The following INPP5B variants were observed in gnomAD, a reference collection of about 807,000 sequenced individuals.
The protein encoded by INPP5B is inositol polyphosphate-5-phosphatase B.
A neutral mutation model predicts 118.5 loss-of-function variants in INPP5B; 90 were observed. The ratio of observed to expected loss-of-function variants is 0.76; its 90% CI spans 0.64 to 0.90. The LOEUF (loss-of-function observed/expected upper bound fraction) is 0.90, where lower values mean the gene tolerates loss of function less well. Ranked by LOEUF, INPP5B falls within the 40% of genes least tolerant of loss-of-function variation. The pLI is 0.00. For synonymous variants in INPP5B, 385 were observed against 418.9 expected (o/e 0.92, Z 0.99); for missense variants, 984 against 1,125.6 (o/e 0.87, Z 1.80).
At chr1:37,889,451 T>C (rs1643714834) in intron 9 of INPP5B, 106 bp downstream of exon 9, 9 of 810,194 alleles carry the variant, frequency 1.1e-5, no homozygotes, top group Non-Finnish European at 1.8e-5. Flanking sequence ...GGAGAGATTC[T>C]ATAGAAGAGT....
intron 15 of INPP5B, chr1:37,878,604 C>T (rs1325727850): frequency 1.2e-5 from 5 of 418,794 alleles, no homozygotes; most frequent in Non-Finnish European, 1.6e-5. Context: ...AAAAACCAAT[C>T]TGACAGTAAG....
At chr1:37,893,320 A>G (rs1471201267) in intron 7 of INPP5B, among the ~76,000 whole-genome samples, 1 of 151,866 alleles carries the variant, frequency 6.6e-6, no homozygotes, top group Non-Finnish European at 1.5e-5. Context: ...CTTGAGCTCA[A>G]ATGATCCTCC....
intron 5 of INPP5B, chr1:37,942,234 TC>T (rs1228760172): frequency 2.0e-5 from 3 of 149,372 alleles, no homozygotes; most frequent in African/African-American, 7.4e-5. Flanking sequence ...ATCGAGACCA[TC>T]CTGGCCAACA....
intron 6 of INPP5B, among the ~76,000 whole-genome samples, chr1:37,934,333 C>T (rs1220875456): frequency 6.6e-6 from 1 of 152,044 alleles, no homozygotes; most frequent in Non-Finnish European, 1.5e-5. Flanking sequence ...TAGTATTGTT[C>T]AGAAGACCAA....
intron 7 of INPP5B, among the ~76,000 whole-genome samples, chr1:37,914,263 T>G (rs969717809): frequency 1.3e-5 from 2 of 152,180 alleles, no homozygotes; most frequent in Non-Finnish European, 2.9e-5. Flanking sequence ...GTCTATGGAG[T>G]AGCCATTCTT....
At chr1:37,882,399 C>G (rs530914368) in intron 14 of INPP5B, among the ~76,000 whole-genome samples, 2 of 152,316 alleles carry the variant, frequency 1.3e-5, no homozygotes, top group South Asian at 4.1e-4. Context: ...TTGGGAAGAG[C>G]TGTCACTCAC....
chr1:37,906,729 G>A (rs1225496743), intron 7 of INPP5B, among the ~76,000 whole-genome samples: 1 of 151,876 alleles, frequency 6.6e-6, no homozygotes, highest in African/African-American at 2.4e-5. Flanking sequence ...GCATGGTGGT[G>A]TGTGCCTATA....
chr1:37,886,624 C>T (rs1021596750), intron 12 of INPP5B, among the ~76,000 whole-genome samples: 3 of 152,208 alleles, frequency 2.0e-5, no homozygotes, highest in African/African-American at 7.2e-5. Context: ...CTGCAACATA[C>T]TTCATGGGTG....
intron 5 of INPP5B, among the ~76,000 whole-genome samples, chr1:37,941,486 C>T (rs1393822300): frequency 1.3e-5 from 2 of 151,732 alleles, no homozygotes; most frequent in African/African-American, 4.8e-5. Flanking sequence ...CACCCCCCGC[C>T]ACCCAATCTC....
intron 7 of INPP5B, chr1:37,931,605 C>A: frequency 6.5e-7 from 1 of 1,537,792 alleles, no homozygotes; most frequent in East Asian, 2.4e-5. Context: ...ACCCTGCCCA[C>A]CCGAGGGCCG....
intron 7 of INPP5B, among the ~76,000 whole-genome samples, chr1:37,912,870 A>G (rs1557687824): frequency 6.6e-6 from 1 of 151,864 alleles, no homozygotes; most frequent in Non-Finnish European, 1.5e-5. Context: ...AGCTGTTTCT[A>G]AACCTTCTTT....
intron 7 of INPP5B, among the ~76,000 whole-genome samples, chr1:37,900,889 G>GC (rs1436245466): frequency 6.6e-6 from 1 of 151,414 alleles, no homozygotes; most frequent in Non-Finnish European, 1.5e-5. Context: ...TCAACTCATT[G>GC]CAACCTCTGC....
At chr1:37,880,321 A>G in intron 14 of INPP5B, 127 bp from the exon 15 acceptor site, 2 of 641,102 alleles carry the variant, frequency 3.1e-6, no homozygotes, top group Non-Finnish European at 5.3e-6. Flanking sequence ...AAAGAAAGTT[A>G]TTCTGTAAGA....
In INPP5B at chr1:37,945,821, G is replaced by A. The variant is rs764550722; in HGVS notation, c.87C>T (p.Asp29=). 4 of 1,614,036 alleles carry A rather than the reference G, an allele frequency of 2.5e-6. No homozygotes were observed. Among genetic ancestry groups the A allele is most frequent in the Admixed American group, 3.3e-5 (2 of 60,020 alleles). ...GTCCCAGGAGGCGGCTCTGCCGGCT[G>A]TCCCCCTCACACAGCACACCTTGCA... ...IAVQGVLCEG[D]SRQSRLLGLV... The change falls in exon 3 of 24, where the codon GAC becomes GAT. Residue 29 remains aspartate (D), a synonymous_variant. Coordinates refer to ENST00000373024, the MANE Select transcript of INPP5B (RefSeq NM_005540.3).
chr1:37,872,954 T>C lies in INPP5B; in HGVS notation c.2163A>G (p.Leu721=). The C allele has an allele frequency of 6.2e-7, 1 of 1,613,964 alleles. No individual in the cohort carries two copies. Among genetic ancestry groups the C allele is most frequent in the African/African-American group, 1.3e-5 (1 of 75,016 alleles). Residue 721 remains leucine, a synonymous_variant, in exon 19 of 24, where the codon CTA becomes CTG. Coordinates refer to ENST00000373024, the MANE Select transcript of INPP5B (RefSeq NM_005540.3). The stretch of plus-strand genomic sequence containing the variant: ...CCAGCTCACTAATGGTTTCAAGTGG[T>C]AGGTCCAAGATTGGCTCTCTCATGT... ...LCYMREPILD[L]PLETISELTL...
chr1:37,887,458 C>A lies in INPP5B; in HGVS notation c.907G>T (p.Glu303Ter). The A allele has an allele frequency of 2.5e-6, 4 of 1,593,330 alleles. No homozygotes were observed. The highest frequency in any genetic ancestry group is 3.3e-4 in the Middle Eastern group (2 of 5,980). ...APDVYCVGFQ[E>*]LDLSKEAFFF... is the part of the protein sequence containing the mutation. Reference sequence around the variant, plus strand: ...AAAGCTTCCTTACTCAGATCAAGCTCCTGGAACCTATTTTGAGAAGCAACC... The same window carrying A: ...AAAGCTTCCTTACTCAGATCAAGCTACTGGAACCTATTTTGAGAAGCAACC... The change falls in exon 11 of 24, where the codon GAG becomes TAG. Residue 303 changes from glutamate to a stop codon, truncating the protein, a stop_gained. Transcript: ENST00000373024. LOFTEE classifies it high-confidence loss of function.
intron 13 of INPP5B, 136 bp from the exon 14 acceptor site, chr1:37,883,054 A>G: frequency 6.9e-7 from 1 of 1,439,148 alleles, no homozygotes; most frequent in Non-Finnish European, 9.1e-7. Context: ...TGTTCGGAAA[A>G]TTTTTTTCTC....
intron 7 of INPP5B, among the ~76,000 whole-genome samples, chr1:37,895,853 C>T (rs1462376016): frequency 5.3e-5 from 8 of 152,098 alleles, no homozygotes; most frequent in Non-Finnish European, 7.4e-5. Context: ...GGCGTGATCT[C>T]GGCTCGCTAC....
chr1:37,883,071 T>C (rs1362588903), intron 13 of INPP5B, 153 bp from the exon 14 acceptor site: 1 of 985,430 alleles, frequency 1.0e-6, no homozygotes, highest in Non-Finnish European at 1.2e-6. Context: ...TCTCTCGCCA[T>C]CCCATTTAAT....
Sources: allele counts gnomAD v4.1 joint callset (sites outside exome capture counted in the v4.1 genomes callset), GRCh38; gene constraint gnomAD v4.1.1; transcripts MANE v1.5; gene names NCBI Gene and HGNC (gene_info 2026-07-23, HGNC 2026-07-21).